The following KCNA4 variants were observed in gnomAD, a reference collection of about 807,000 sequenced individuals.
KCNA4 encodes the protein cardiac potassium channel.
A neutral mutation model predicts 37.2 loss-of-function variants in KCNA4; 5 were observed. The ratio of observed to expected loss-of-function variants is 0.13; its 90% CI spans 0.07 to 0.28. The LOEUF (loss-of-function observed/expected upper bound fraction) is 0.28. Ranked by LOEUF, KCNA4 falls within the 10% of genes least tolerant of loss-of-function variation. The pLI is 1.00. For synonymous variants in KCNA4, 350 were observed against 311.8 expected (o/e 1.12, Z -1.29); for missense variants, 634 against 817.4 (o/e 0.78, Z 2.74).
At chr11:30,015,606 C>T (rs1231037123) in intron 1 of KCNA4, among the ~76,000 whole-genome samples, 1 of 152,086 alleles carries the variant, frequency 6.6e-6, no homozygotes, top group Admixed American at 6.5e-5. Context: ...TAGCAAATTG[C>T]CTTCCTTTTA....
At position 30,011,269 on chromosome 11, in the gene KCNA4, G is replaced by T; in HGVS notation, c.1410C>A (p.Thr470=). The change falls in exon 2 of 2, where the codon ACC becomes ACA. Residue 470 remains threonine, a synonymous_variant. Transcript: ENST00000328224. The surrounding 1 kb of genome is among the most constrained non-coding windows in gnomAD (Gnocchi z 5.6). ...HSKGLQILGH[T]LRASMRELGL... is the part of the protein sequence containing the mutation. ...CCAGTTCCCGCATGCTGGCTCTGAG[G>T]GTGTGGCCCAGGATCTGCAGGCCTT... 1 of 1,614,148 alleles carries T rather than the reference G, an allele frequency of 6.2e-7. No homozygotes were observed. The highest frequency in any genetic ancestry group is 8.5e-7 in the Non-Finnish European group (1 of 1,180,040).
At position 30,011,989 on chromosome 11, in the gene KCNA4, G is replaced by C. The variant is rs376270728; in HGVS notation, c.690C>G (p.Ala230=). The part of the protein sequence containing the change: ...FFDRNRPSFD[A]ILYYYQSGGR... Reference sequence around the variant, plus strand: ...CTCCTGATTGATAATAATACAAGATGGCATCAAAGCTGGGGCGGTTCCTGT... The same window carrying C: ...CTCCTGATTGATAATAATACAAGATCGCATCAAAGCTGGGGCGGTTCCTGT... Residue 230 remains alanine (A), a synonymous_variant, in exon 2 of 2, where the codon GCC becomes GCG. Coordinates refer to ENST00000328224, the MANE Select transcript of KCNA4 (RefSeq NM_002233.4). This position sits in a 1 kb window ranked among gnomAD's most constrained non-coding sequence, Gnocchi z 5.6. The C allele has an allele frequency of 1.3e-5, 21 of 1,614,012 alleles. No homozygotes were observed. In the African/African-American group the frequency reaches 2.5e-4, roughly 19 times the overall value.
rs1850303288 is a variant in KCNA4 at position 30,011,548 on chromosome 11, G to T, written c.1131C>A (p.Val377=). The T allele has an allele frequency of 6.2e-7, 1 of 1,614,024 alleles. No individual in the cohort carries two copies. The highest frequency in any genetic ancestry group is 1.3e-5 in the African/African-American group (1 of 74,914). ...FNDPFFIVET[V]CIVWFSFEFV... ...ACTCAAAGGAAAACCATACAATACA[G>T]ACTGTTTCCACGATGAAGAAGGGGT... is the stretch of plus-strand genomic sequence containing the variant. Residue 377 remains valine, a synonymous_variant, in exon 2 of 2, where the codon GTC becomes GTA. Transcript: ENST00000328224. The surrounding 1 kb of genome is among the most constrained non-coding windows in gnomAD (Gnocchi z 5.6).
chr11:30,012,286 C>CCTCCTCCTCATCT lies in KCNA4; in HGVS notation c.392_393insAGATGAGGAGGAG (p.Glu132AspfsTer16). Reference sequence around the variant, plus strand: ...ACCTTCCCTCCTCTTCCTCCTCTTCCTCCTCCTCCTCATCTTCCTCCTCCT... The same window carrying CCTCCTCCTCATCT: ...ACCTTCCCTCCTCTTCCTCCTCTTCCCTCCTCCTCATCTTCCTCCTCCTCATCTTCCTCCTCCT... On this transcript the variant is annotated frameshift_variant, in exon 2 of 2. Transcript: ENST00000328224. LOFTEE classifies it high-confidence loss of function. 6.2e-7 allele frequency: 1 copy of CCTCCTCCTCATCT among 1,612,496 alleles called. No homozygotes were observed. Among genetic ancestry groups the CCTCCTCCTCATCT allele is most frequent in the South Asian group, 1.1e-5 (1 of 91,028 alleles).
chr11:30,016,989 T>C lies in KCNA4; in HGVS notation c.-1200A>G. 2.5e-6 allele frequency: 1 copy of C among 397,770 alleles called. No individual in the cohort carries two copies. Among genetic ancestry groups the C allele is most frequent in the Non-Finnish European group, 4.4e-6 (1 of 225,614 alleles). 24.6% of individuals were successfully genotyped at this position (397,770 alleles called of 1,614,324 possible). A position where few individuals can be genotyped will look rare whatever the true frequency, so the allele number is the denominator to read the frequency against. On this transcript the variant is annotated 5_prime_UTR_variant, in exon 1 of 2. Transcript: ENST00000328224. ...CCATCCCTCTCTCGCTCTCGCTGGCTGCGGGAGCAGCACACGCCTCCCCTG... is the reference window on the plus strand; with the variant it reads ...CCATCCCTCTCTCGCTCTCGCTGGCCGCGGGAGCAGCACACGCCTCCCCTG...
At position 30,012,713 on chromosome 11, in the gene KCNA4, TAGA is replaced by T. The variant is rs756781520; in HGVS notation, c.-38_-36del. 10 of 1,511,700 alleles carry T rather than the reference TAGA, an allele frequency of 6.6e-6. No individual in the cohort carries two copies. The highest frequency in any genetic ancestry group is 8.9e-6 in the Non-Finnish European group (10 of 1,129,864). The allele number at this position is 1,511,700 out of a possible 1,614,324, so 93.6% of individuals were successfully genotyped here. A position where few individuals can be genotyped will look rare whatever the true frequency, so the allele number is the denominator to read the frequency against. ...TTTCGGAAATGGCTGGTTCCAGTTG[TAGA>T]AGAAGAAGAAAGAAAAATAGGGCAG... On this transcript the variant is annotated 5_prime_UTR_variant, in exon 2 of 2. Coordinates refer to ENST00000328224, the MANE Select transcript of KCNA4 (RefSeq NM_002233.4).
At position 30,017,026 on chromosome 11, in the gene KCNA4, G is replaced by A. The variant is rs1564937616; in HGVS notation, c.-1237C>T. ...ACACGCCTCCCCTGGCCGCGAACGCGCTCTGGGCGGGGGCGGGGCCAGGGC... is the reference window on the plus strand; with the variant it reads ...ACACGCCTCCCCTGGCCGCGAACGCACTCTGGGCGGGGGCGGGGCCAGGGC... On this transcript the variant is annotated 5_prime_UTR_variant, in exon 1 of 2. Coordinates refer to ENST00000328224, the MANE Select transcript of KCNA4 (RefSeq NM_002233.4). The A allele has an allele frequency of 5.0e-6, 2 of 397,422 alleles. No individual in the cohort carries two copies. The highest frequency in any genetic ancestry group is 8.9e-6 in the Non-Finnish European group (2 of 225,374). 24.6% of individuals were successfully genotyped at this position (397,422 alleles called of 1,614,324 possible).
Position 30,011,304 on chromosome 11 carries a change from T to G in KCNA4, c.1375A>C (p.Arg459=). 1 of 1,614,082 alleles carries G rather than the reference T, an allele frequency of 6.2e-7. No homozygotes were observed. Among genetic ancestry groups the G allele is most frequent in the Non-Finnish European group, 8.5e-7 (1 of 1,180,032 alleles). Residue 459 remains arginine, a synonymous_variant, in exon 2 of 2, where the codon AGG becomes CGG. Coordinates refer to ENST00000328224, the MANE Select transcript of KCNA4 (RefSeq NM_002233.4). The surrounding 1 kb of genome is among the most constrained non-coding windows in gnomAD (Gnocchi z 5.6). ...VRVFRIFKLS[R]HSKGLQILGH... is the part of the protein sequence containing the mutation. Reference sequence around the variant, plus strand: ...AGGATCTGCAGGCCTTTGGAGTGCCTGGAGAGTTTGAAGATCCGGAATACT... The same window carrying G: ...AGGATCTGCAGGCCTTTGGAGTGCCGGGAGAGTTTGAAGATCCGGAATACT...
Position 30,012,501 on chromosome 11 carries a change from C to A in KCNA4, c.178G>T (p.Gly60Cys). 6.2e-7 allele frequency: 1 copy of A among 1,610,356 alleles called. No individual in the cohort carries two copies. Among genetic ancestry groups the A allele is most frequent in the Non-Finnish European group, 8.5e-7 (1 of 1,179,892 alleles). Residue 60 changes from glycine to cysteine, a missense_variant, in exon 2 of 2, where the codon GGC becomes TGC. Gly to Cys is a radical substitution (Grantham distance 159). Transcript: ENST00000328224. ...CGTGACTGGTGGTGGTGGTGGGAGC[C>A]CCCACCAGAACCCCCGCTACCTTCG... Reference protein sequence around the residue: ...AVEGSGGSGGGSHHHHQSRGA... With the variant: ...AVEGSGGSGGCSHHHHQSRGA...
At position 30,012,528 on chromosome 11, in the gene KCNA4, C is replaced by T; in HGVS notation, c.151G>A (p.Val51Ile). The T allele has an allele frequency of 6.2e-7, 1 of 1,608,964 alleles. No individual in the cohort carries two copies. The highest frequency in any genetic ancestry group is 1.1e-5 in the South Asian group (1 of 91,070). ...AAAVAAATAA[V>I]EGSGGSGGGS... ...CCACCAGAACCCCCGCTACCTTCGA[C>T]AGCAGCTGTGGCCGCTGCAACAGCA... Residue 51 changes from valine (V) to isoleucine (I), a missense_variant, in exon 2 of 2, where the codon GTC becomes ATC. Coordinates refer to ENST00000328224, the MANE Select transcript of KCNA4 (RefSeq NM_002233.4).
At chr11:30,016,144 C>G (rs1850348122) in intron 1 of KCNA4, among the ~76,000 whole-genome samples, 1 of 152,162 alleles carries the variant, frequency 6.6e-6, no homozygotes, top group African/African-American at 2.4e-5. Flanking sequence ...GCACGCAAAT[C>G]CAAACGTTGG....
intron 1 of KCNA4, among the ~76,000 whole-genome samples, chr11:30,015,455 G>A (rs983273588): frequency 2.0e-5 from 3 of 152,174 alleles, no homozygotes; most frequent in African/African-American, 7.2e-5. Flanking sequence ...TCATGAATTA[G>A]CGAGTCTTCT....
chr11:30,010,866 G>A lies in KCNA4; in HGVS notation c.1813C>T (p.Leu605=). The A allele has an allele frequency of 6.2e-7, 1 of 1,614,136 alleles. No homozygotes were observed. The highest frequency in any genetic ancestry group is 8.5e-7 in the Non-Finnish European group (1 of 1,180,034). The change falls in exon 2 of 2, where the codon CTG becomes TTG. Residue 605 remains leucine, a synonymous_variant. Transcript: ENST00000328224. ...TCTAGATACTCTGACTTGTCCCCCA[G>A]GGAAGAAGAAGTAGAGCTCCGAAAT... is the stretch of plus-strand genomic sequence containing the variant. ...KKFRSSTSSS[L]GDKSEYLEME...
chr11:30,016,882 AG>A lies in KCNA4; in HGVS notation c.-1094del, dbSNP rs2133458683. On this transcript the variant is annotated 5_prime_UTR_variant, in exon 1 of 2. Transcript: ENST00000328224. ...CAGCACAGGAGGGATTGCCTGGGAA[AG>A]GAAGTCAAGGTTCCCCCGAAAAGAA... is the stretch of plus-strand genomic sequence containing the variant. 2.5e-6 allele frequency: 1 copy of A among 398,638 alleles called. No homozygotes were observed. The highest frequency in any genetic ancestry group is 4.4e-6 in the Non-Finnish European group (1 of 226,114). The allele number at this position is 398,638 out of a possible 1,614,324, so 24.7% of individuals were successfully genotyped here.
rs762468488 is a variant in KCNA4 at position 30,011,584 on chromosome 11, T to G, written c.1095A>C (p.Thr365=). ...SAPHLENSGH[T]IFNDPFFIVE... is the part of the protein sequence containing the mutation. The stretch of plus-strand genomic sequence containing the variant: ...CGATGAAGAAGGGGTCATTGAATAT[T>G]GTGTGCCCTGAGTTCTCCAGATGGG... Residue 365 remains threonine, a synonymous_variant, in exon 2 of 2, where the codon ACA becomes ACC. Coordinates refer to ENST00000328224, the MANE Select transcript of KCNA4 (RefSeq NM_002233.4). The surrounding 1 kb of genome is among the most constrained non-coding windows in gnomAD (Gnocchi z 5.6). 1.9e-6 allele frequency: 3 copies of G among 1,613,904 alleles called. No homozygotes were observed. The highest frequency in any genetic ancestry group is 2.5e-6 in the Non-Finnish European group (3 of 1,180,018).
In KCNA4 at chr11:30,012,902, G is replaced by C; in HGVS notation, c.-224C>G. On this transcript the variant is annotated 5_prime_UTR_variant, in exon 2 of 2. Transcript: ENST00000328224. ...CAACATTGCTCTCCAGAGCTTGGCT[G>C]GTCGAGATAAATAGCCTGGCACTCT... The C allele has an allele frequency of 1.9e-6, 1 of 534,396 alleles. No individual in the cohort carries two copies. The highest frequency in any genetic ancestry group is 3.1e-6 in the Non-Finnish European group (1 of 325,882). The allele number at this position is 534,396 out of a possible 1,614,324, so 33.1% of individuals were successfully genotyped here.
rs781616816 is a variant in KCNA4, at chr11:30,010,981, G to T, written c.1698C>A (p.Phe566Leu). The T allele has an allele frequency of 6.2e-7, 1 of 1,614,184 alleles. No individual in the cohort carries two copies. Among genetic ancestry groups the T allele is most frequent in the South Asian group, 1.1e-5 (1 of 91,082 alleles). ...VPVIVSNFNY[F>L]YHRETENEEQ... ...CCTCATTTTCAGTCTCTCTGTGGTA[G>T]AAATAGTTAAAGTTAGAGACAATCA... The change falls in exon 2 of 2, where the codon TTC (phenylalanine) becomes TTA (leucine). Residue 566 changes from phenylalanine (F) to leucine (L), a missense_variant. Around this residue, in one of 8 missense-constraint regions of KCNA4, gnomAD observed 1 missense variants for 22.7 expected, o/e 0.04. Coordinates refer to ENST00000328224, the MANE Select transcript of KCNA4 (RefSeq NM_002233.4).
rs1283764999 is a variant in KCNA4 at position 30,010,422 on chromosome 11, ACACT to A, written c.*291_*294del. ...CACACACATATACACACACACGCACACACTCTCTCTCTCCATCTTTACTGTTAAC... is the reference window on the plus strand; with the variant it reads ...CACACACATATACACACACACGCACACTCTCTCTCCATCTTTACTGTTAAC... On this transcript the variant is annotated 3_prime_UTR_variant, in exon 2 of 2. Transcript: ENST00000328224. The A allele has an allele frequency of 1.9e-5, 8 of 421,448 alleles. No homozygotes were observed. Among genetic ancestry groups the A allele is most frequent in the South Asian group, 4.4e-5 (1 of 22,736 alleles). 26.1% of individuals were successfully genotyped at this position (421,448 alleles called of 1,614,324 possible).
In KCNA4 at chr11:30,012,263, C is replaced by A. The variant is rs1420756301; in HGVS notation, c.416G>T (p.Arg139Met). The A allele has an allele frequency of 9.9e-6, 16 of 1,614,018 alleles. No individual in the cohort carries two copies. Among genetic ancestry groups the A allele is most frequent in the Non-Finnish European group, 1.3e-5 (15 of 1,180,020 alleles). The change falls in exon 2 of 2, where the codon AGG becomes ATG. Residue 139 changes from arginine to methionine, a missense_variant. By Grantham distance (91) the Arg-to-Met change is moderately conservative. This residue lies in a region of KCNA4 where 236 missense variants were observed against 229.5 expected (regional missense o/e 1.03). Transcript: ENST00000328224. ...EEEEEEEEEG[R>M]FYYSEDDHGD... ...ATGGTCATCTTCACTATAGTAAAAC[C>A]TTCCCTCCTCTTCCTCCTCTTCCTC...
Sources: gnomAD v4.1 joint callset for allele counts (sites outside exome capture counted in the v4.1 genomes callset) on GRCh38, gnomAD v4.1.1 for gene constraint, gnomAD v4.1.1 regional missense constraint, Gnocchi (gnomAD v3.1) non-coding constraint, MANE v1.5 for transcripts, NCBI Gene and HGNC (gene_info 2026-07-23, HGNC 2026-07-21) for gene names.